The following PSG6 variants were observed in gnomAD, a reference collection of about 807,000 sequenced individuals.
The protein encoded by PSG6 is pregnancy specific beta-1-glycoprotein 6.
PSG6 carries 51 observed loss-of-function variants against 43.3 expected under a neutral mutation model. That is an observed-to-expected ratio of 1.18 (90% CI 0.94 to 1.49). The LOEUF (loss-of-function observed/expected upper bound fraction) is 1.49. PSG6 is among the 40% of genes most tolerant of loss of function. PSG6 has a pLI of 0.00. For synonymous variants in PSG6, 292 were observed against 197.6 expected (o/e 1.48, Z -4.01); for missense variants, 770 against 522.2 (o/e 1.47, Z -4.62).
chr19:42,907,645 G>A lies in PSG6; in HGVS notation c.916C>T (p.Pro306Ser). The part of the protein sequence containing the change: ...LPSVTRNETG[P>S]YQCEIRDRYG... Reference sequence around the variant, plus strand: ...CGGTCCCGTATTTCACATTGATAGGGTCCTGTTTCATTTCTCGTGACACTG... The same window carrying A: ...CGGTCCCGTATTTCACATTGATAGGATCCTGTTTCATTTCTCGTGACACTG... Residue 306 changes from proline to serine, a missense_variant, in exon 4 of 6, where the codon CCC becomes TCC. Coordinates refer to ENST00000187910, the MANE Select transcript of PSG6 (RefSeq NM_001031850.4). 6.2e-7 allele frequency: 1 copy of A among 1,611,616 alleles called. No individual in the cohort carries two copies. Among genetic ancestry groups the A allele is most frequent in the Non-Finnish European group, 8.5e-7 (1 of 1,179,126 alleles).
Position 42,916,150 on chromosome 19 carries a change from A to C in PSG6, c.402T>G (p.Thr134=). The part of the protein sequence containing the change: ...IKRGDGTGGV[T]GYFTVTLYSE... ...AGTATAAGGTGACAGTGAAATATCC[A>C]GTTACTCCTCCAGTCCCATCGCCTC... Residue 134 remains threonine (T), a synonymous_variant, in exon 2 of 6, where the codon ACT becomes ACG. Transcript: ENST00000187910. 1.9e-6 allele frequency: 3 copies of C among 1,611,896 alleles called. No homozygotes were observed. Among genetic ancestry groups the C allele is most frequent in the Non-Finnish European group, 2.5e-6 (3 of 1,178,928 alleles).
rs750116643 is a variant in PSG6, at chr19:42,910,407, T to G, written c.706+173A>C. The G allele has an allele frequency of 7.2e-6, 11 of 1,521,108 alleles. No homozygotes were observed. The South Asian group carries it at 8.2e-5, about 11-fold the overall frequency. 94.2% of individuals were successfully genotyped at this position (1,521,108 alleles called of 1,614,324 possible). A position where few individuals can be genotyped will look rare whatever the true frequency, so the allele number is the denominator to read the frequency against. The stretch of plus-strand genomic sequence containing the variant: ...AGGAGAAGCCTCTTCTCTCTTATTG[T>G]TGATCAAGCCTAGGCCTACTCTGGT... On this transcript the variant is annotated intron_variant, in intron 3 of 5. Coordinates refer to ENST00000187910, the MANE Select transcript of PSG6 (RefSeq NM_001031850.4).
rs1008893879 is a variant in PSG6, at chr19:42,907,814, G to T, written c.747C>A (p.Asn249Lys). 3.1e-6 allele frequency: 5 copies of T among 1,611,476 alleles called. No homozygotes were observed. Among genetic ancestry groups the T allele is most frequent in the Admixed American group, 3.3e-5 (2 of 59,866 alleles). ...PMPYITINNL[N>K]PREKKDVLAF... ...CTAACACATCCTTCTTCTCCCTGGG[G>T]TTTAAGTTGTTGATGGTGATGTAAG... Residue 249 changes from asparagine (N) to lysine (K), a missense_variant, in exon 4 of 6, where the codon AAC becomes AAA. By Grantham distance (94) the Asn-to-Lys change is moderately conservative. Transcript: ENST00000187910.
rs769143038 is a variant in PSG6 at position 42,910,483 on chromosome 19, C to G, written c.706+97G>C. The G allele has an allele frequency of 3.1e-6, 5 of 1,611,750 alleles. 1 individual carries two copies. In the South Asian group the frequency reaches 5.5e-5, roughly 18 times the overall value. On this transcript the variant is annotated intron_variant, in intron 3 of 5. Coordinates refer to ENST00000187910, the MANE Select transcript of PSG6 (RefSeq NM_001031850.4). The stretch of plus-strand genomic sequence containing the variant: ...AGCTTTGATGTTCAGGGATAAAGGT[C>G]TCTGTACTTGGACCTGAGAGGGACT...
chr19:42,902,289 A>T lies in PSG6; in HGVS notation c.*123T>A. The T allele has an allele frequency of 3.2e-6, 4 of 1,235,760 alleles. No homozygotes were observed. In the South Asian group the frequency reaches 7.4e-5, roughly 23 times the overall value. 76.5% of individuals were successfully genotyped at this position (1,235,760 alleles called of 1,614,324 possible). A position where few individuals can be genotyped will look rare whatever the true frequency, so the allele number is the denominator to read the frequency against. ...GAATCAGCACATTTTCCAATAAAAA[A>T]TTATGAAAACATTATCCTTTTGATT... is the stretch of plus-strand genomic sequence containing the variant. On this transcript the variant is annotated 3_prime_UTR_variant, in exon 6 of 6. Transcript: ENST00000187910.
At chr19:42,910,278 A>T (rs192092777) in intron 3 of PSG6, 13 of 647,634 alleles carry the variant, frequency 2.0e-5, no homozygotes, top group Non-Finnish European at 1.3e-5. Context: ...CCAAGTTGCA[A>T]CACTGAAGTC....
chr19:42,913,294 G>A (rs1176928236), intron 2 of PSG6, among the ~76,000 whole-genome samples: 1 of 151,528 alleles, frequency 6.6e-6, no homozygotes, highest in African/African-American at 2.4e-5. Context: ...GGGACTACAG[G>A]TGACCACCAC....
chr19:42,904,652 A>T (rs1382526597), intron 5 of PSG6, among the ~76,000 whole-genome samples: 1 of 151,766 alleles, frequency 6.6e-6, no homozygotes, highest in Non-Finnish European at 1.5e-5. Context: ...GACATCAATA[A>T]ATTGAAAGAC....
At chr19:42,905,764 C>T (rs1028590788) in intron 5 of PSG6, among the ~76,000 whole-genome samples, 23 of 151,558 alleles carry the variant, frequency 1.5e-4, no homozygotes, top group African/African-American at 5.6e-4. Context: ...TACAATACAT[C>T]GTGCAAAATG....
At chr19:42,910,180 CAA>C (rs1321029844) in intron 3 of PSG6, 3 of 336,812 alleles carry the variant, frequency 8.9e-6, no homozygotes, top group East Asian at 1.4e-4. Flanking sequence ...CCATGCGGAG[CAA>C]AGAGAATAAT....
In PSG6 at chr19:42,910,778, G is replaced by A; in HGVS notation, c.508C>T (p.Pro170Ser). ...VMEAVRLICD[P>S]ETPDASYLWL... ...AGGTAGCTTGCATCCGGAGTCTCAG[G>A]ATCACAGATTAAGCGCACAGCCTCC... Residue 170 changes from proline (P) to serine (S), a missense_variant, in exon 3 of 6, where the codon CCT becomes TCT. Coordinates refer to ENST00000187910, the MANE Select transcript of PSG6 (RefSeq NM_001031850.4). The A allele has an allele frequency of 6.2e-7, 1 of 1,612,358 alleles. No homozygotes were observed. The highest frequency in any genetic ancestry group is 2.2e-5 in the East Asian group (1 of 44,790).
At chr19:42,902,509 T>G in intron 5 of PSG6, 63 bp from the exon 6 acceptor site, 1 of 1,593,452 alleles carries the variant, frequency 6.3e-7, no homozygotes, top group Non-Finnish European at 8.6e-7. Flanking sequence ...CAGAGAAAGC[T>G]TCTTTCCCAC....
At chr19:42,906,070 G>A (rs1461225218) in intron 5 of PSG6, among the ~76,000 whole-genome samples, 5 of 151,592 alleles carry the variant, frequency 3.3e-5, no homozygotes, top group Middle Eastern at 3.4e-3. Flanking sequence ...AAAGTGTCTC[G>A]TGGTCTTGCC....
At chr19:42,913,399 C>G (rs763985348) in intron 2 of PSG6, among the ~76,000 whole-genome samples, 10 of 151,836 alleles carry the variant, frequency 6.6e-5, no homozygotes, top group Non-Finnish European at 1.3e-4. Flanking sequence ...CCCGCCTCAG[C>G]CTCCCAAAGT....
intron 2 of PSG6, among the ~76,000 whole-genome samples, chr19:42,913,307 T>G (rs1466037642): frequency 6.6e-6 from 1 of 151,522 alleles, no homozygotes; most frequent in Admixed American, 6.6e-5. Context: ...ACCACCACCA[T>G]GCCCAGCTAA....
intron 3 of PSG6, among the ~76,000 whole-genome samples, chr19:42,909,001 A>G (rs1288382087): frequency 6.6e-6 from 1 of 151,636 alleles, no homozygotes; most frequent in Non-Finnish European, 1.5e-5. Context: ...TAGTTCACAC[A>G]GATTATCTCT....
intron 5 of PSG6, among the ~76,000 whole-genome samples, chr19:42,904,067 G>A (rs971071927): frequency 6.6e-6 from 1 of 151,612 alleles, no homozygotes; most frequent in Non-Finnish European, 1.5e-5. Context: ...ACTATAATCA[G>A]TAAGAAGATT....
intron 1 of PSG6, among the ~76,000 whole-genome samples, chr19:42,917,450 G>C (rs1307547070): frequency 7.0e-6 from 1 of 143,246 alleles, no homozygotes; most frequent in Non-Finnish European, 1.5e-5. Context: ...TGCAACTTCT[G>C]CCTCCTGGGT....
At chr19:42,913,576 G>C (rs146485483) in intron 2 of PSG6, among the ~76,000 whole-genome samples, 1,554 of 151,768 alleles carry the variant, frequency 0.01, 45 homozygotes, top group African/African-American at 0.035. Flanking sequence ...GAAAGTGACC[G>C]GAGAATGTGA....
Sources: allele counts gnomAD v4.1 joint callset (sites outside exome capture counted in the v4.1 genomes callset), GRCh38; gene constraint gnomAD v4.1.1; transcripts MANE v1.5; gene names NCBI Gene and HGNC (gene_info 2026-07-23, HGNC 2026-07-21).